Variants in SHF observed in about 807,000 individuals in gnomAD.
SHF encodes the protein Src homology 2 domain containing F.
In SHF, 30 loss-of-function variants were observed where a neutral mutation model predicts 42.4. The ratio of observed to expected loss-of-function variants is 0.71; its 90% CI spans 0.53 to 0.96. The LOEUF (loss-of-function observed/expected upper bound fraction) is 0.96. Ranked by LOEUF, SHF falls within the 40% of genes least tolerant of loss-of-function variation. The pLI, the probability that SHF is intolerant of heterozygous loss-of-function variation, is 0.00. For synonymous variants in SHF, 264 were observed against 269.9 expected (o/e 0.98, Z 0.21); for missense variants, 598 against 634.0 (o/e 0.94, Z 0.61).
chr15:45,180,731 CT>C (rs1162103494), intron 1 of SHF, among the ~76,000 whole-genome samples: 1 of 152,178 alleles, frequency 6.6e-6, no homozygotes, highest in East Asian at 1.9e-4. Flanking sequence ...TTAGGTGTCT[CT>C]GTGCTGGGCT....
chr15:45,189,066 A>G (rs1336693600), upstream of SHF, among the ~76,000 whole-genome samples: 9 of 151,626 alleles, frequency 5.9e-5, no homozygotes, highest in Admixed American at 3.9e-4. Context: ...GGTGGCGGGC[A>G]CCTGTAGTCC....
Position 45,198,769 on chromosome 15 carries a change from T to TA in SHF, c.303+2dup, listed in dbSNP as rs769266705. The TA allele has an allele frequency of 3.2e-5, 52 of 1,607,020 alleles. No individual in the cohort carries two copies. The African/African-American group carries it at 5.4e-4, about 17-fold the overall frequency. On this transcript the variant is annotated splice_region_variant and intron_variant, in intron 2 of 7. Coordinates refer to the SHF transcript ENST00000290894. ...TTTGCGCGTCATTAAATGGCCTACT[T>TA]ACGGGGCGAGGTTCCAGCCTGTCCC...
At chr15:45,199,184 A>C in intron 1 of SHF, 1 of 1,246,292 alleles carries the variant, frequency 8.0e-7, no homozygotes, top group Non-Finnish European at 1.1e-6. Context: ...CCCAACACCC[A>C]CTTCCTTCCA....
At chr15:45,194,212 A>G (rs552462940) in intron 2 of SHF, among the ~76,000 whole-genome samples, 4 of 151,914 alleles carry the variant, frequency 2.6e-5, no homozygotes, top group East Asian at 1.9e-4. Flanking sequence ...CTCTCCCCCA[A>G]CCTCCATCAT....
At chr15:45,193,773 T>C (rs1898780790) in intron 2 of SHF, among the ~76,000 whole-genome samples, 1 of 152,104 alleles carries the variant, frequency 6.6e-6, no homozygotes, top group African/African-American at 2.4e-5. Flanking sequence ...AGTGGCCTTA[T>C]GCAGGCTTCA....
At chr15:45,178,059 C>G (rs2141371801) in intron 2 of SHF, 106 bp downstream of exon 2, 1 of 1,429,904 alleles carries the variant, frequency 7.0e-7, no homozygotes, top group Middle Eastern at 2.6e-4. Flanking sequence ...AGACTTTCTC[C>G]ATATTTTCCA....
intron 2 of SHF, among the ~76,000 whole-genome samples, chr15:45,194,710 C>G (rs887705330): frequency 3.3e-5 from 5 of 152,182 alleles, no homozygotes; most frequent in Non-Finnish European, 5.9e-5. Flanking sequence ...CTTTCTCACA[C>G]AAGATGTTCC....
chr15:45,189,250 C>T (rs925404861), upstream of SHF, among the ~76,000 whole-genome samples: 1 of 151,292 alleles, frequency 6.6e-6, no homozygotes. Context: ...GCCAGTTCCT[C>T]ACCATAAATG....
intron 1 of SHF, among the ~76,000 whole-genome samples, chr15:45,186,301 T>C (rs1898395847): frequency 6.6e-6 from 1 of 152,242 alleles, no homozygotes; most frequent in African/African-American, 2.4e-5. Context: ...CTGACAGATC[T>C]CTCTCATCCA....
In SHF at chr15:45,199,208, C is replaced by CCCTGACAGCCCTGACTCCT. The variant is rs564851816; in HGVS notation, c.-46-107_-46-89dup. 3,492 of 978,330 alleles carry CCCTGACAGCCCTGACTCCT rather than the reference C, an allele frequency of 3.6e-3. 119 individuals are homozygous for CCCTGACAGCCCTGACTCCT. In the African/African-American group the frequency reaches 0.052, roughly 15 times the overall value. 60.6% of individuals were successfully genotyped at this position (978,330 alleles called of 1,614,324 possible). Reference sequence around the variant, plus strand: ...CACTTCCTTCCAGCCTCTCATACTCCCCTGACAGCCCTGACTCCTCCTGAC... The same window carrying CCCTGACAGCCCTGACTCCT: ...CACTTCCTTCCAGCCTCTCATACTCCCCTGACAGCCCTGACTCCTCCTGACAGCCCTGACTCCTCCTGAC... On this transcript the variant is annotated intron_variant, in intron 1 of 7. Transcript: ENST00000290894.
intron 3 of SHF, chr15:45,174,388 C>T (rs897360358): frequency 6.5e-6 from 1 of 154,848 alleles, no homozygotes; most frequent in Non-Finnish European, 1.4e-5. Flanking sequence ...ACGGCCCATC[C>T]TCAATGGTGT....
intron 4 of SHF, 121 bp from the exon 5 acceptor site, chr15:45,172,439 T>C: frequency 8.8e-7 from 1 of 1,137,416 alleles, no homozygotes; most frequent in Non-Finnish European, 1.2e-6. Flanking sequence ...AGGAATGCTC[T>C]AGGAGGGCAG....
At chr15:45,188,097 G>A (rs1159678167), upstream of SHF, 1 of 320,252 alleles carries the variant, frequency 3.1e-6, no homozygotes, top group Non-Finnish European at 5.4e-6. Flanking sequence ...CCCTAACAGG[G>A]TCTTCCTCCT....
At chr15:45,168,496 C>G (rs984063588) in intron 6 of SHF, among the ~76,000 whole-genome samples, 2 of 152,184 alleles carry the variant, frequency 1.3e-5, no homozygotes, top group African/African-American at 4.8e-5. Flanking sequence ...GCCAGTTTAA[C>G]CTCACCTTTC....
chr15:45,170,645 C>CTTTT (rs146136602), intron 6 of SHF: 99 of 221,772 alleles, frequency 4.5e-4, no homozygotes, highest in South Asian at 8.1e-4. Context: ...TTATCTTTTT[C>CTTTT]TTTTTTTTTT....
exon 2 of SHF, chr15:45,198,822 T>C: frequency 6.2e-7 from 1 of 1,614,040 alleles, no homozygotes; most frequent in Non-Finnish European, 8.5e-7. Flanking sequence ...AGGCGCGTTG[T>C]ACTCCGCCAG....
chr15:45,198,160 G>A (rs1055482103), intron 2 of SHF, among the ~76,000 whole-genome samples: 1 of 152,238 alleles, frequency 6.6e-6, no homozygotes, highest in Admixed American at 6.5e-5. Flanking sequence ...TGTAGTACCA[G>A]CTACTCAGTT....
chr15:45,177,268 C>G (rs890784674), intron 2 of SHF, among the ~76,000 whole-genome samples: 1 of 152,180 alleles, frequency 6.6e-6, no homozygotes, highest in Non-Finnish European at 1.5e-5. Context: ...AGCTCTGGCT[C>G]TTCTTTTGCA....
chr15:45,191,929 A>T (rs919738244), upstream of SHF, among the ~76,000 whole-genome samples: 5 of 131,388 alleles, frequency 3.8e-5, no homozygotes, highest in South Asian at 2.6e-4. Context: ...GTCTCTATTT[A>T]AAAAAAAAAA....
Sources: gnomAD v4.1 joint callset for allele counts (sites outside exome capture counted in the v4.1 genomes callset) on GRCh38, gnomAD v4.1.1 for gene constraint, MANE v1.5 for transcripts, NCBI Gene and HGNC (gene_info 2026-07-23, HGNC 2026-07-21) for gene names.